SMC2: variants seen among roughly 807,000 people sequenced by gnomAD.
SMC2 encodes structural maintenance of chromosomes 2, also known as structural maintenance of chromosomes protein 2.
In SMC2, 41 loss-of-function variants were observed where a neutral mutation model predicts 142.6. That is an observed-to-expected ratio of 0.29 (90% confidence interval 0.22 to 0.37). The LOEUF (loss-of-function observed/expected upper bound fraction) is 0.37, where lower values mean the gene tolerates loss of function less well. Among genes scored for constraint, SMC2 ranks in the 10% least tolerant of loss-of-function variants. The pLI is 1.00. For synonymous variants in SMC2, 463 were observed against 457.5 expected (o/e 1.01, Z -0.15); for missense variants, 1,265 against 1,373.7 (o/e 0.92, Z 1.25).
chr9:104,101,108 A>T (rs1034892381), intron 7 of SMC2, among the ~76,000 whole-genome samples: 1 of 151,842 alleles, frequency 6.6e-6, no homozygotes, highest in African/African-American at 2.4e-5. Flanking sequence ...CTGCTAGTTT[A>T]TTTTTTTGTA....
At chr9:104,095,919 A>C (rs1419211548) in intron 2 of SMC2, among the ~76,000 whole-genome samples, 1 of 152,234 alleles carries the variant, frequency 6.6e-6, no homozygotes, top group Admixed American at 6.5e-5. Context: ...TAAAAAATGA[A>C]TAGGAAACAA....
Position 104,102,528 on chromosome 9 carries a change from A to T in SMC2, c.975A>T (p.Ala325=). The change falls in exon 9 of 25, where the codon GCA becomes GCT. Residue 325 remains alanine (A), a synonymous_variant. Coordinates refer to ENST00000374793, the MANE Select transcript of SMC2 (RefSeq NM_006444.3). The part of the protein sequence containing the change: ...SAFDLKKKNL[A]CEESKRKELE... ...TTGATCTCAAGAAGAAAAATCTGGC[A>T]TGTGAGGAAAGCAAACGCAAAGAGC... The T allele has an allele frequency of 6.2e-7, 1 of 1,613,806 alleles. No homozygotes were observed. The highest frequency in any genetic ancestry group is 8.5e-7 in the Non-Finnish European group (1 of 1,179,836).
At chr9:104,126,207 C>T (rs1271695066) in intron 18 of SMC2, among the ~76,000 whole-genome samples, 2 of 152,132 alleles carry the variant, frequency 1.3e-5, no homozygotes, top group Non-Finnish European at 2.9e-5. Flanking sequence ...AATCATCTTC[C>T]ACAAATCTGG....
rs1356392414 is a variant in SMC2, at chr9:104,126,628, G to C, written c.2452-13G>C. 1 of 1,597,804 alleles carries C rather than the reference G, an allele frequency of 6.3e-7. No homozygotes were observed. Among genetic ancestry groups the C allele is most frequent in the South Asian group, 1.1e-5 (1 of 89,540 alleles). On this transcript the variant is annotated splice_polypyrimidine_tract_variant and intron_variant, in intron 18 of 24. Coordinates refer to ENST00000374793, the MANE Select transcript of SMC2 (RefSeq NM_006444.3). ...TAACCTATATGAATACCTGAATACT[G>C]TATTTTTTATAGGAAGTTGAAGCTA...
At chr9:104,100,033 G>T in intron 5 of SMC2, 60 bp from the exon 6 acceptor site, 1 of 970,948 alleles carries the variant, frequency 1.0e-6, no homozygotes, top group African/African-American at 1.7e-5. Flanking sequence ...TATATTTAAT[G>T]TAAATTCCAG....
chr9:104,111,754 T>C lies in SMC2; in HGVS notation c.1194T>C (p.Leu398=), dbSNP rs184176278. Residue 398 remains leucine (L), a synonymous_variant, in exon 10 of 25, where the codon CTT becomes CTC. Transcript: ENST00000374793. Reference sequence around the variant, plus strand: ...ATGAAGATGGAGCAGAAGCAACTCTTGCTGGTCAAATGATGGCCTGTAAAA... The same window carrying C: ...ATGAAGATGGAGCAGAAGCAACTCTCGCTGGTCAAATGATGGCCTGTAAAA... ...SSNEDGAEAT[L]AGQMMACKND... is the part of the protein sequence containing the mutation. The C allele has an allele frequency of 1.2e-6, 2 of 1,614,062 alleles. No homozygotes were observed. Among genetic ancestry groups the C allele is most frequent in the East Asian group, 2.2e-5 (1 of 44,866 alleles).
At chr9:104,123,411 C>T (rs1424634475) in intron 17 of SMC2, among the ~76,000 whole-genome samples, 179 bp downstream of exon 17, 1 of 152,102 alleles carries the variant, frequency 6.6e-6, no homozygotes, top group Non-Finnish European at 1.5e-5. Flanking sequence ...TATTGTATAT[C>T]GTCAAAGGTC....
At chr9:104,088,472 C>G in the SMC2 span, among the ~76,000 whole-genome samples, 49 of 151,904 alleles carry the variant, frequency 3.2e-4, no homozygotes, top group African/African-American at 1.1e-3. Context: ...GCAAGTAACT[C>G]GAGAAATGGA....
intron 4 of SMC2, among the ~76,000 whole-genome samples, chr9:104,099,001 C>T (rs10820602): frequency 0.53 from 80,867 of 151,418 alleles, 22,344 homozygotes; most frequent in African/African-American, 0.57. Context: ...CATCCAGCTG[C>T]CGTTTGAGAG....
At chr9:104,122,676 G>A (rs569870168) in intron 16 of SMC2, among the ~76,000 whole-genome samples, 1 of 152,090 alleles carries the variant, frequency 6.6e-6, no homozygotes, top group South Asian at 2.1e-4. Flanking sequence ...TACACTAAAA[G>A]TAGGGAACAT....
rs1033941970 is a variant in SMC2 at position 104,101,854 on chromosome 9, C to T, written c.637-106C>T. The stretch of plus-strand genomic sequence containing the variant: ...TTTAAAATGCTATAATTGTTTAATA[C>T]AGGACAAAATCTATTATGTAATGAG... On this transcript the variant is annotated intron_variant, in intron 7 of 24. Transcript: ENST00000374793. 1.3e-5 allele frequency: 9 copies of T among 672,178 alleles called. No individual in the cohort carries two copies. In the African/African-American group the frequency reaches 1.6e-4, roughly 12 times the overall value. 41.6% of individuals were successfully genotyped at this position (672,178 alleles called of 1,614,324 possible).
intron 7 of SMC2, 64 bp from the exon 8 acceptor site, chr9:104,101,896 G>A: frequency 1.0e-6 from 1 of 974,212 alleles, no homozygotes. Context: ...GTTTCATCTT[G>A]CATAATTGAA....
At chr9:104,122,295 A>G (rs1002642057) in intron 16 of SMC2, among the ~76,000 whole-genome samples, 2 of 152,214 alleles carry the variant, frequency 1.3e-5, no homozygotes, top group Admixed American at 1.3e-4. Flanking sequence ...GAATGGTGGA[A>G]GAATCAGCTA....
rs1015976594 is a variant in SMC2, at chr9:104,099,821, TAATATTTGGCACTATGCCC to T, written c.480+142_480+160del. 5.5e-5 allele frequency: 35 copies of T among 634,942 alleles called. No individual in the cohort carries two copies. In the African/African-American group the frequency reaches 6.2e-4, roughly 11 times the overall value. The allele number at this position is 634,942 out of a possible 1,614,324, so 39.3% of individuals were successfully genotyped here. A position where few individuals can be genotyped will look rare whatever the true frequency, so the allele number is the denominator to read the frequency against. On this transcript the variant is annotated intron_variant, in intron 5 of 24. Transcript: ENST00000374793. ...TAGTAAAGACAGTTGTATATTTGTGTAATATTTGGCACTATGCCCAAATATTAAAATTGATTTTGATTGT... is the reference window on the plus strand; with the variant it reads ...TAGTAAAGACAGTTGTATATTTGTGTAAATATTAAAATTGATTTTGATTGT...
chr9:104,136,593 AT>A lies in SMC2; in HGVS notation c.3270-1415del, dbSNP rs1300174877. Among the ~76,000 whole-genome samples, 12 of 150,166 alleles carry A rather than the reference AT, an allele frequency of 8.0e-5. No homozygotes were observed. In the South Asian group the frequency reaches 1.1e-3, roughly 13 times the overall value. On this transcript the variant is annotated intron_variant, in intron 23 of 24. Coordinates refer to ENST00000374793, the MANE Select transcript of SMC2 (RefSeq NM_006444.3). ...TAGTTAAACCCTTCAGCACAGCAGA[AT>A]TTTTTTTTTAAGATTAAGTTTTAAA...
chr9:104,128,189 C>G (rs1345586584), intron 20 of SMC2, among the ~76,000 whole-genome samples: 1 of 152,084 alleles, frequency 6.6e-6, no homozygotes, highest in Non-Finnish European at 1.5e-5. Context: ...CCTAAAAATA[C>G]ATGAACTTTA....
At chr9:104,096,385 G>C in intron 3 of SMC2, 88 bp downstream of exon 3, 1 of 1,271,968 alleles carries the variant, frequency 7.9e-7, no homozygotes, top group Non-Finnish European at 1.1e-6. Context: ...ACGTGCTAGA[G>C]AAAGTTCATG....
At chr9:104,111,529 T>A in intron 9 of SMC2, 52 bp from the exon 10 acceptor site, 1 of 1,149,846 alleles carries the variant, frequency 8.7e-7, no homozygotes, top group Non-Finnish European at 1.3e-6. Flanking sequence ...TATAAGAAAG[T>A]GGGTGTTTTT....
rs1380903849 is a variant in SMC2, at chr9:104,113,436, G to A, written c.1375G>A (p.Glu459Lys). ...EALEAVKRLKEKLEAEMKKLN... is the reference protein window; with the variant it reads ...EALEAVKRLKKKLEAEMKKLN... ...TCTAGAAGCTGTAAAAAGACTTAAAGAAAAACTTGAAGCTGAAATGAAAAA... is the reference window on the plus strand; with the variant it reads ...TCTAGAAGCTGTAAAAAGACTTAAAAAAAAACTTGAAGCTGAAATGAAAAA... Residue 459 changes from glutamate (E) to lysine (K), a missense_variant, in exon 11 of 25, where the codon GAA becomes AAA. This residue lies in a region of SMC2 where 898 missense variants were observed against 904.2 expected (regional missense o/e 0.99). Coordinates refer to ENST00000374793, the MANE Select transcript of SMC2 (RefSeq NM_006444.3). The A allele has an allele frequency of 1.2e-6, 2 of 1,601,182 alleles. No individual in the cohort carries two copies. The highest frequency in any genetic ancestry group is 2.7e-5 in the African/African-American group (2 of 74,002).
Sources: allele counts gnomAD v4.1 joint callset (sites outside exome capture counted in the v4.1 genomes callset), GRCh38; gene constraint gnomAD v4.1.1; regional missense constraint gnomAD v4.1.1; transcripts MANE v1.5; gene names NCBI Gene and HGNC (gene_info 2026-07-23, HGNC 2026-07-21).